Variants in RELCH observed in about 807,000 individuals in gnomAD.
RELCH encodes the protein RAB11 binding and LisH domain, coiled-coil and HEAT repeat containing.
A neutral mutation model predicts 150.3 loss-of-function variants in RELCH; 41 were observed. The ratio of observed to expected loss-of-function variants is 0.27; its 90% CI spans 0.21 to 0.35. The LOEUF is 0.35. RELCH is among the 10% of genes least tolerant of loss of function. The probability of loss-of-function intolerance (pLI) is 1.00; values close to 1 mark genes in which losing one functional copy is unlikely to be tolerated. For missense variants in RELCH, 1,092 were observed against 1,467.8 expected (o/e 0.74, Z 4.18); for synonymous variants, 478 against 531.8 (o/e 0.90, Z 1.39).
intron 20 of RELCH, among the ~76,000 whole-genome samples, chr18:62,271,419 C>T (rs1346484704): frequency 1.3e-5 from 2 of 149,098 alleles, no homozygotes. Flanking sequence ...ATATGCTTCA[C>T]ACACTTTTTG....
At chr18:62,188,607 T>C (rs2038345898) in intron 1 of RELCH, among the ~76,000 whole-genome samples, 1 of 152,242 alleles carries the variant, frequency 6.6e-6, no homozygotes. Context: ...TTCAATGCCT[T>C]AATTTAAGTA....
At chr18:62,285,508 C>G (rs2044745157) in intron 25 of RELCH, 1 of 152,224 alleles carries the variant, frequency 6.6e-6, no homozygotes, top group Non-Finnish European at 1.5e-5. Flanking sequence ...ATAGTCCCAC[C>G]TACTCAGAAG....
intron 13 of RELCH, among the ~76,000 whole-genome samples, chr18:62,256,923 T>C (rs554152847): frequency 1.1e-3 from 162 of 152,208 alleles, no homozygotes; most frequent in African/African-American, 3.8e-3. Flanking sequence ...TACCAAAAGA[T>C]GTTATATATT....
chr18:62,240,520 T>A (rs971355519), intron 10 of RELCH, among the ~76,000 whole-genome samples: 1 of 150,726 alleles, frequency 6.6e-6, no homozygotes. Context: ...TAGATCCTCC[T>A]ACCTCAGCCT....
intron 12 of RELCH, 107 bp downstream of exon 12, chr18:62,252,861 A>G (rs1304618563): frequency 1.0e-5 from 8 of 778,928 alleles, no homozygotes; most frequent in Non-Finnish European, 1.7e-5. Context: ...GATATAAATT[A>G]TGCTGATGTT....
At chr18:62,209,980 A>G (rs1011676530) in intron 1 of RELCH, among the ~76,000 whole-genome samples, 3 of 152,170 alleles carry the variant, frequency 2.0e-5, no homozygotes, top group Non-Finnish European at 4.4e-5. Context: ...TGAAAAACTC[A>G]TTTGTTACGT....
chr18:62,297,363 G>A (rs1185167856), intron 27 of RELCH, among the ~76,000 whole-genome samples: 1 of 152,076 alleles, frequency 6.6e-6, no homozygotes, highest in African/African-American at 2.4e-5. Flanking sequence ...CCAGTCATTA[G>A]TAGACATCCC....
intron 11 of RELCH, among the ~76,000 whole-genome samples, chr18:62,249,014 A>G (rs951313444): frequency 2.6e-5 from 4 of 152,240 alleles, no homozygotes; most frequent in Non-Finnish European, 5.9e-5. Flanking sequence ...ATTAAGCACC[A>G]ATTGGATAAA....
chr18:62,229,548 C>G (rs148090300), intron 8 of RELCH, among the ~76,000 whole-genome samples: 1 of 147,582 alleles, frequency 6.8e-6, no homozygotes, highest in East Asian at 2.0e-4. Context: ...CTGTGTTGGT[C>G]ACAGAACTGA....
chr18:62,275,456 G>A lies in RELCH; in HGVS notation c.2950G>A (p.Ala984Thr). 6.2e-7 allele frequency: 1 copy of A among 1,605,964 alleles called. No individual in the cohort carries two copies. Among genetic ancestry groups the A allele is most frequent in the Non-Finnish European group, 8.5e-7 (1 of 1,174,616 alleles). ...TACTTCAGCACTCGTGAGGTGTACT[G>A]CTGCTAGAATGTTTGAGGTATGTCA... ...VHTSALVRCT[A>T]ARMFELLVKG... Residue 984 changes from alanine to threonine, a missense_variant, in exon 22 of 29, where the codon GCT (alanine) becomes ACT (threonine). Physicochemically the swap from Ala to Thr is moderately conservative, Grantham distance 58. This residue lies in a region of RELCH where 707 missense variants were observed against 1,025.4 expected (regional missense o/e 0.69). Coordinates refer to ENST00000644646, the MANE Select transcript of RELCH (RefSeq NM_001346231.2).
At chr18:62,192,126 T>A (rs910721763) in intron 1 of RELCH, among the ~76,000 whole-genome samples, 2 of 152,228 alleles carry the variant, frequency 1.3e-5, no homozygotes, top group Non-Finnish European at 2.9e-5. Flanking sequence ...TGGTTTTGAT[T>A]TGCATTTCTC....
At chr18:62,260,425 C>G (rs967943649) in intron 15 of RELCH, among the ~76,000 whole-genome samples, 1 of 150,092 alleles carries the variant, frequency 6.7e-6, no homozygotes, top group African/African-American at 2.4e-5. Context: ...GGGGAACCTT[C>G]GTACACTGTT....
Position 62,227,431 on chromosome 18 carries a change from AG to A in RELCH, c.1003del (p.Ala335ProfsTer6). ...AGTGGAGTAGAAGAAGATGAATTAG[AG>A]GCCCTTACACCAATTATAAGCAACC... Reference protein sequence around the residue: ...VASGVEEDELEALTPIISNLP... With the variant: ...VASGVEEDELXALTPIISNLP... On this transcript the variant is annotated frameshift_variant, in exon 6 of 29. Coordinates refer to ENST00000644646, the MANE Select transcript of RELCH (RefSeq NM_001346231.2). LOFTEE classifies it high-confidence loss of function. 6.2e-7 allele frequency: 1 copy of A among 1,613,396 alleles called. No individual in the cohort carries two copies. The highest frequency in any genetic ancestry group is 8.5e-7 in the Non-Finnish European group (1 of 1,179,620).
chr18:62,286,869 G>A (rs1568436376), intron 25 of RELCH, among the ~76,000 whole-genome samples: 1 of 152,150 alleles, frequency 6.6e-6, no homozygotes, highest in Non-Finnish European at 1.5e-5. Context: ...ATTGGTCTTT[G>A]CTAAGAATTT....
At position 62,308,467 on chromosome 18, in the gene RELCH, T is replaced by A. The variant is rs1022150334; in HGVS notation, c.*2933T>A. On this transcript the variant is annotated 3_prime_UTR_variant, in exon 29 of 29. Coordinates refer to ENST00000644646, the MANE Select transcript of RELCH (RefSeq NM_001346231.2). Reference sequence around the variant, plus strand: ...TGTGCGCTGTGGCTCACGCCTGTAATCTCAGCACTTTGGGAGGCCAAGGTG... The same window carrying A: ...TGTGCGCTGTGGCTCACGCCTGTAAACTCAGCACTTTGGGAGGCCAAGGTG... The A allele has an allele frequency of 3.3e-5, 5 of 152,282 alleles. No individual in the cohort carries two copies. Among genetic ancestry groups the A allele is most frequent in the African/African-American group, 1.2e-4 (5 of 41,456 alleles). The allele number at this position is 152,282 out of a possible 1,614,324, so 9.4% of individuals were successfully genotyped here.
At chr18:62,268,841 T>TTTTTTTAAATTA in intron 19 of RELCH, 28 bp from the exon 20 acceptor site, 2 of 1,200,854 alleles carry the variant, frequency 1.7e-6, no homozygotes, top group Non-Finnish European at 2.3e-6. Flanking sequence ...TATACTTATG[T>TTTTTTTAAATTA]TTTTTTAAAT....
intron 11 of RELCH, among the ~76,000 whole-genome samples, chr18:62,251,573 A>G (rs188225050): frequency 2.0e-4 from 31 of 152,336 alleles, no homozygotes; most frequent in Non-Finnish European, 3.7e-4. Flanking sequence ...TATTCTATTC[A>G]TTAGACACAA....
intron 7 of RELCH, among the ~76,000 whole-genome samples, chr18:62,227,904 C>T (rs1046641274): frequency 6.6e-6 from 1 of 152,010 alleles, no homozygotes; most frequent in African/African-American, 2.4e-5. Flanking sequence ...GGTGATCTTA[C>T]AATCAATTAT....
intron 28 of RELCH, among the ~76,000 whole-genome samples, chr18:62,304,105 G>A (rs957156188): frequency 2.6e-5 from 4 of 152,188 alleles, no homozygotes; most frequent in African/African-American, 9.7e-5. Flanking sequence ...AAAATGGAGA[G>A]TTATTTCTAA....
Sources: allele counts gnomAD v4.1 joint callset (sites outside exome capture counted in the v4.1 genomes callset), GRCh38; gene constraint gnomAD v4.1.1; regional missense constraint gnomAD v4.1.1; transcripts MANE v1.5; gene names NCBI Gene and HGNC (gene_info 2026-07-23, HGNC 2026-07-21).